Variants in RIMS2 observed in about 807,000 individuals in gnomAD.
RIMS2 encodes regulating synaptic membrane exocytosis protein 2.
A neutral mutation model predicts 174.4 loss-of-function variants in RIMS2; 59 were observed. The observed-to-expected ratio is 0.34, with a 90% confidence interval of 0.27 to 0.42. The LOEUF is 0.42. Ranked by LOEUF, RIMS2 falls within the 10% of genes least tolerant of loss-of-function variation. RIMS2 has a pLI of 1.00. For synonymous variants in RIMS2, 606 were observed against 572.5 expected (o/e 1.06, Z -0.84); for missense variants, 1,620 against 1,666.3 (o/e 0.97, Z 0.48).
At chr8:103,665,333 G>A (rs1202567529) in intron 1 of RIMS2, among the ~76,000 whole-genome samples, 2 of 152,114 alleles carry the variant, frequency 1.3e-5, no homozygotes, top group Non-Finnish European at 1.5e-5. Flanking sequence ...GGTGTTTAAC[G>A]CTCATTTGAG....
At chr8:103,644,054 G>C (rs2096279751) in intron 1 of RIMS2, among the ~76,000 whole-genome samples, 1 of 151,948 alleles carries the variant, frequency 6.6e-6, no homozygotes, top group Admixed American at 6.6e-5. Context: ...ATACAGGAGA[G>C]GATTTTTCTC....
intron 2 of RIMS2, among the ~76,000 whole-genome samples, chr8:103,732,476 G>A (rs928770262): frequency 1.4e-4 from 21 of 152,270 alleles, no homozygotes; most frequent in African/African-American, 4.6e-4. Flanking sequence ...CAAGGCTTAA[G>A]GGCTCTACAA....
intron 3 of RIMS2, among the ~76,000 whole-genome samples, chr8:103,793,772 T>G (rs2098524042): frequency 6.6e-6 from 1 of 152,094 alleles, no homozygotes; most frequent in Non-Finnish European, 1.5e-5. Flanking sequence ...ATCACAAGCA[T>G]TCCTATACAC....
intron 3 of RIMS2, among the ~76,000 whole-genome samples, chr8:103,852,600 G>A (rs1267986737): frequency 1.3e-5 from 2 of 151,634 alleles, no homozygotes; most frequent in African/African-American, 4.8e-5. Flanking sequence ...TTGTTCCCAT[G>A]TTTATGTCCA....
chr8:103,651,617 T>G (rs1435992694), intron 1 of RIMS2, among the ~76,000 whole-genome samples: 3 of 152,224 alleles, frequency 2.0e-5, no homozygotes, highest in Admixed American at 6.5e-5. Context: ...ATTTTCAGTC[T>G]GGAATAGTTG....
At chr8:103,803,289 C>G (rs547726645) in intron 3 of RIMS2, among the ~76,000 whole-genome samples, 1 of 152,018 alleles carries the variant, frequency 6.6e-6, no homozygotes, top group Non-Finnish European at 1.5e-5. Flanking sequence ...GATTTGACTT[C>G]TGCTTATTCT....
chr8:103,886,302 A>G (rs894581555), intron 4 of RIMS2, 79 bp downstream of exon 7: 2 of 1,201,062 alleles, frequency 1.7e-6, no homozygotes, highest in African/African-American at 3.1e-5. Context: ...CTGAGTGAAA[A>G]TTTAATAGGT....
intron 3 of RIMS2, among the ~76,000 whole-genome samples, chr8:103,806,909 A>T (rs1042523021): frequency 6.6e-6 from 1 of 152,104 alleles, no homozygotes; most frequent in Non-Finnish European, 1.5e-5. Flanking sequence ...CAGAAAAAAA[A>T]TGGGAGGAAC....
chr8:103,780,433 AT>A (rs2098375660), intron 3 of RIMS2, among the ~76,000 whole-genome samples: 1 of 151,566 alleles, frequency 6.6e-6, no homozygotes, highest in African/African-American at 2.4e-5. Flanking sequence ...CATATTTTTC[AT>A]TGTTTTTCTT....
At chr8:104,232,676 A>G (rs1308044459) in intron 19 of RIMS2, among the ~76,000 whole-genome samples, 1 of 152,170 alleles carries the variant, frequency 6.6e-6, no homozygotes, top group Non-Finnish European at 1.5e-5. Context: ...CTGCTACAGG[A>G]TAACTTCGGG....
chr8:103,748,155 G>C (rs1239695510), intron 2 of RIMS2, among the ~76,000 whole-genome samples: 3 of 151,962 alleles, frequency 2.0e-5, no homozygotes, highest in Non-Finnish European at 4.4e-5. Context: ...AAGTTTTCAA[G>C]AATTAGCGGG....
chr8:103,799,248 G>T (rs1326203880), intron 3 of RIMS2, among the ~76,000 whole-genome samples: 1 of 152,146 alleles, frequency 6.6e-6, no homozygotes, highest in Non-Finnish European at 1.5e-5. Context: ...ACCTACATAA[G>T]TGTAAGACAA....
chr8:103,864,630 A>G (rs2099075909), intron 3 of RIMS2, among the ~76,000 whole-genome samples: 1 of 152,216 alleles, frequency 6.6e-6, no homozygotes, highest in South Asian at 2.1e-4. Flanking sequence ...AATGGTTTTC[A>G]TTATTGAGCA....
At chr8:103,634,367 T>G (rs925298084) in intron 1 of RIMS2, among the ~76,000 whole-genome samples, 1 of 152,220 alleles carries the variant, frequency 6.6e-6, no homozygotes, top group African/African-American at 2.4e-5. Context: ...ATTTTTATTG[T>G]TCTATGACCT....
Position 103,643,268 on chromosome 8 carries a change from G to A in RIMS2, c.177-53818G>A, listed in dbSNP as rs149599389. Among the ~76,000 whole-genome samples, 942 of 151,894 alleles carry A rather than the reference G, an allele frequency of 6.2e-3. 12 individuals are homozygous for A. The highest frequency in any genetic ancestry group is 0.021 in the African/African-American group (890 of 41,470). ...TTAGCATTTCCTTTTTGATTCACTC[G>A]TAGAGTTTCCCTCTCTTTGCTCATA... On this transcript the variant is annotated intron_variant, in intron 1 of 23. Coordinates refer to ENST00000504942, the Ensembl canonical transcript of RIMS2.
At chr8:103,947,310 C>A (rs2084042512) in intron 14 of RIMS2, among the ~76,000 whole-genome samples, 1 of 152,174 alleles carries the variant, frequency 6.6e-6, no homozygotes, top group East Asian at 1.9e-4. Context: ...TTTTTTAAAG[C>A]CTCAGGCTGG....
chr8:103,953,429 A>G (rs920981797), intron 14 of RIMS2, among the ~76,000 whole-genome samples: 1 of 152,218 alleles, frequency 6.6e-6, no homozygotes, highest in African/African-American at 2.4e-5. Flanking sequence ...AAGCCAGAAG[A>G]GAGTGGGGGC....
chr8:103,600,704 T>C (rs1404871898), intron 1 of RIMS2, among the ~76,000 whole-genome samples: 1 of 152,242 alleles, frequency 6.6e-6, no homozygotes, highest in Non-Finnish European at 1.5e-5. Flanking sequence ...GTTTTGGCTG[T>C]GTAACCATCA....
chr8:103,876,312 T>C (rs2099136353), intron 3 of RIMS2, among the ~76,000 whole-genome samples: 1 of 151,998 alleles, frequency 6.6e-6, no homozygotes, highest in Non-Finnish European at 1.5e-5. Context: ...GTTTCATTAT[T>C]CTGAATGTGG....
Sources: allele counts gnomAD v4.1 joint callset (sites outside exome capture counted in the v4.1 genomes callset), GRCh38; gene constraint gnomAD v4.1.1; transcripts MANE v1.5; gene names NCBI Gene and HGNC (gene_info 2026-07-23, HGNC 2026-07-21).